Variants in GNAT3 observed in about 807,000 individuals in gnomAD.
GNAT3 encodes the protein G protein subunit alpha transducin 3, also known as guanine nucleotide-binding protein G(t) subunit alpha-3.
In GNAT3, 31 loss-of-function variants were observed where a neutral mutation model predicts 37.7. The observed-to-expected ratio is 0.82, with a 90% CI of 0.62 to 1.11. GNAT3 has a LOEUF of 1.11. GNAT3 is among the 50% of genes most tolerant of loss of function. The pLI is 0.00. For missense variants in GNAT3, 437 were observed against 412.5 expected (o/e 1.06, Z -0.51); for synonymous variants, 138 against 139.8 (o/e 0.99, Z 0.09).
At chr7:80,490,989 T>C (rs1790580494) in intron 2 of GNAT3, among the ~76,000 whole-genome samples, 1 of 152,142 alleles carries the variant, frequency 6.6e-6, no homozygotes, top group African/African-American at 2.4e-5. Flanking sequence ...TTGTGTGCCA[T>C]GGCAAGGAGA....
chr7:80,470,167 C>T (rs1790186326), intron 5 of GNAT3, among the ~76,000 whole-genome samples: 1 of 151,970 alleles, frequency 6.6e-6, no homozygotes, highest in South Asian at 2.1e-4. Flanking sequence ...AAGCTTGATA[C>T]CTGTTTTAGT....
Position 80,494,647 on chromosome 7 carries a change from C to T in GNAT3, c.119G>A (p.Gly40Glu). The T allele has an allele frequency of 6.6e-7, 1 of 1,510,532 alleles. No homozygotes were observed. The highest frequency in any genetic ancestry group is 9.1e-7 in the Non-Finnish European group (1 of 1,100,394). The allele number at this position is 1,510,532 out of a possible 1,614,324, so 93.6% of individuals were successfully genotyped here. The stretch of plus-strand genomic sequence containing the variant: ...AGTACTTTTCCCAGATTCTCCTGCT[C>T]CTGCAACATAAAAAGAGGAATATTA... ...DARTVKLLLL[G>E]AGESGKSTIV... The change falls in exon 2 of 8, where the codon GGA (glycine) becomes GAA (glutamate). Residue 40 changes from glycine (G) to glutamate (E), a missense_variant and splice_region_variant. Gly to Glu is a moderately conservative substitution (Grantham distance 98). Transcript: ENST00000398291.
At chr7:80,489,264 T>C (rs1226963602) in intron 2 of GNAT3, among the ~76,000 whole-genome samples, 1 of 152,180 alleles carries the variant, frequency 6.6e-6, no homozygotes, top group South Asian at 2.1e-4. Context: ...TTGGCTGAAC[T>C]CTTCTCTACC....
intron 1 of GNAT3, among the ~76,000 whole-genome samples, chr7:80,499,277 A>G (rs1225456171): frequency 6.6e-6 from 1 of 152,234 alleles, no homozygotes; most frequent in African/African-American, 2.4e-5. Flanking sequence ...AAGCTGTGTC[A>G]TATCGCTTTC....
chr7:80,500,827 T>G (rs1194868976), intron 1 of GNAT3, among the ~76,000 whole-genome samples: 20 of 143,492 alleles, frequency 1.4e-4, no homozygotes, highest in Non-Finnish European at 1.5e-5. Flanking sequence ...GTAAATAATG[T>G]TAATGATTTT....
chr7:80,459,864 T>TC (rs1231018786), intron 7 of GNAT3, among the ~76,000 whole-genome samples: 7 of 151,940 alleles, frequency 4.6e-5, no homozygotes, highest in African/African-American at 1.7e-4. Context: ...GTGCATGGAG[T>TC]TATAGGAGTT....
At chr7:80,498,988 AACAC>A (rs1790786001) in intron 1 of GNAT3, among the ~76,000 whole-genome samples, 1 of 152,190 alleles carries the variant, frequency 6.6e-6, no homozygotes, top group African/African-American at 2.4e-5. Flanking sequence ...ACTTCAATTG[AACAC>A]ACACAAGGCT....
At chr7:80,488,960 C>A (rs1359741137) in intron 2 of GNAT3, among the ~76,000 whole-genome samples, 1 of 152,004 alleles carries the variant, frequency 6.6e-6, no homozygotes, top group Non-Finnish European at 1.5e-5. Context: ...AAGCATTATA[C>A]TTAGAAAGTC....
chr7:80,492,138 T>C (rs1367919845), intron 2 of GNAT3, among the ~76,000 whole-genome samples: 1 of 148,074 alleles, frequency 6.8e-6, no homozygotes, highest in Non-Finnish European at 1.5e-5. Flanking sequence ...GAGACCAGCC[T>C]GGCCAATGTG....
rs1412541022 is a variant in GNAT3, at chr7:80,482,477, C to T, written c.304-3479G>A. 2.6e-5 allele frequency among the ~76,000 whole-genome samples: 4 copies of T among 151,510 alleles called. No homozygotes were observed. The East Asian group carries it at 7.7e-4, about 29-fold the overall frequency. The stretch of plus-strand genomic sequence containing the variant: ...TGTTTTTCTTTCTTATTTTCTTTTT[C>T]TTTTTTCTTTCTTTTTCTTTTTTGT... On this transcript the variant is annotated intron_variant, in intron 3 of 7. Coordinates refer to ENST00000398291, the MANE Select transcript of GNAT3 (RefSeq NM_001102386.3).
chr7:80,504,135 C>A (rs1450231998), intron 1 of GNAT3, among the ~76,000 whole-genome samples: 2 of 152,008 alleles, frequency 1.3e-5, no homozygotes, highest in Non-Finnish European at 2.9e-5. Context: ...GGGCAACATG[C>A]TGAAACTCTG....
intron 2 of GNAT3, among the ~76,000 whole-genome samples, chr7:80,494,262 A>G (rs1011506531): frequency 5.9e-5 from 9 of 152,220 alleles, no homozygotes; most frequent in South Asian, 2.1e-4. Flanking sequence ...CTGTTTCCTC[A>G]AAAAATCAAA....
At chr7:80,479,813 G>A (rs1194371703) in intron 3 of GNAT3, among the ~76,000 whole-genome samples, 2 of 150,798 alleles carry the variant, frequency 1.3e-5, no homozygotes, top group African/African-American at 2.4e-5. Context: ...TTTTGTCATC[G>A]GGTTACTGCC....
chr7:80,473,344 C>T (rs1057044763), intron 5 of GNAT3, among the ~76,000 whole-genome samples: 1 of 152,014 alleles, frequency 6.6e-6, no homozygotes, highest in Non-Finnish European at 1.5e-5. Flanking sequence ...ATATATAACA[C>T]ATACTTTAAA....
intron 1 of GNAT3, among the ~76,000 whole-genome samples, chr7:80,495,070 A>ATT (rs554047589): frequency 1.2e-4 from 18 of 148,748 alleles, no homozygotes; most frequent in African/African-American, 4.4e-4. Context: ...CAAAGACATG[A>ATT]TTTTTTTTTT....
intron 3 of GNAT3, among the ~76,000 whole-genome samples, chr7:80,485,934 G>T (rs1180771843): frequency 6.6e-6 from 1 of 152,096 alleles, no homozygotes; most frequent in East Asian, 1.9e-4. Flanking sequence ...TATAGACCCA[G>T]TGACTAATAA....
intron 1 of GNAT3, among the ~76,000 whole-genome samples, chr7:80,509,077 A>G (rs1406376405): frequency 1.3e-5 from 2 of 152,088 alleles, no homozygotes; most frequent in African/African-American, 4.8e-5. Context: ...AATGATGGGA[A>G]AAATTAAATA....
intron 1 of GNAT3, among the ~76,000 whole-genome samples, chr7:80,509,053 G>A (rs1791006310): frequency 1.3e-5 from 2 of 152,048 alleles, no homozygotes; most frequent in African/African-American, 4.8e-5. Context: ...ACTGATGAAT[G>A]AGAACATCGT....
chr7:80,494,727 A>G, intron 1 of GNAT3, 80 bp from the exon 2 acceptor site: 2 of 842,270 alleles, frequency 2.4e-6, no homozygotes, highest in Non-Finnish European at 3.8e-6. Context: ...TTTCATGGAT[A>G]ATCTTTAATT....
Sources: gnomAD v4.1 joint callset for allele counts (sites outside exome capture counted in the v4.1 genomes callset) on GRCh38, gnomAD v4.1.1 for gene constraint, MANE v1.5 for transcripts, NCBI Gene and HGNC (gene_info 2026-07-23, HGNC 2026-07-21) for gene names.